The following FER variants were observed in gnomAD, a reference collection of about 807,000 sequenced individuals.
The protein encoded by FER is FER tyrosine kinase.
FER carries 63 observed loss-of-function variants against 111.0 expected under a neutral mutation model. The ratio of observed to expected loss-of-function variants is 0.57; its 90% CI spans 0.46 to 0.70. The LOEUF is 0.70. FER is among the 30% of genes least tolerant of loss of function. The pLI, the probability that FER is intolerant of heterozygous loss-of-function variation, is 0.00. For missense variants in FER, 914 were observed against 954.0 expected, an observed-to-expected ratio of 0.96 and a Z score of 0.55; for synonymous variants, 327 against 313.9, an observed-to-expected ratio of 1.04 and a Z score of -0.44.
At chr5:108,793,395 C>A (rs1045200239) in intron 2 of FER, among the ~76,000 whole-genome samples, 2 of 152,044 alleles carry the variant, frequency 1.3e-5, no homozygotes, top group Non-Finnish European at 2.9e-5. Flanking sequence ...TCTCTTTATT[C>A]ATTCATCTGT....
At chr5:108,872,327 G>T in intron 8 of FER, 115 bp downstream of exon 8, 8 of 982,972 alleles carry the variant, frequency 8.1e-6, no homozygotes, top group Middle Eastern at 3.4e-4. Flanking sequence ...AAATTTTTGG[G>T]GTCAGAGTGA....
chr5:109,157,603 C>T (rs989607733), intron 17 of FER, among the ~76,000 whole-genome samples: 1 of 151,934 alleles, frequency 6.6e-6, no homozygotes, highest in Non-Finnish European at 1.5e-5. Context: ...AATAGATTTC[C>T]TATTGTGAGG....
chr5:108,883,337 G>C, intron 8 of FER, 59 bp from the exon 9 acceptor site: 1 of 1,463,370 alleles, frequency 6.8e-7, no homozygotes, highest in Non-Finnish European at 9.2e-7. Context: ...ATACTTTTTT[G>C]ATATGTATAA....
intron 19 of FER, among the ~76,000 whole-genome samples, chr5:109,186,549 C>G (rs1484569702): frequency 6.6e-6 from 1 of 152,130 alleles, no homozygotes; most frequent in Non-Finnish European, 1.5e-5. Flanking sequence ...CCACCCTTTC[C>G]CTGTCTGGCA....
chr5:108,777,212 G>A (rs1753585194), intron 2 of FER, among the ~76,000 whole-genome samples: 1 of 152,070 alleles, frequency 6.6e-6, no homozygotes, highest in Non-Finnish European at 1.5e-5. Flanking sequence ...TTGCAGATAT[G>A]GCTTGCAGAT....
chr5:108,949,842 G>A (rs1023070154), intron 11 of FER, among the ~76,000 whole-genome samples: 1 of 148,584 alleles, frequency 6.7e-6, no homozygotes, highest in Admixed American at 6.7e-5. Context: ...TGGGTTTAAG[G>A]AAAGAATATT....
intron 3 of FER, among the ~76,000 whole-genome samples, chr5:108,831,669 T>C (rs191195894): frequency 8.6e-4 from 131 of 152,320 alleles, no homozygotes; most frequent in African/African-American, 2.9e-3. Context: ...AAAAACAAGA[T>C]TGGCAAGTCA....
chr5:109,036,808 G>T (rs1350619679), intron 13 of FER, among the ~76,000 whole-genome samples: 5 of 151,894 alleles, frequency 3.3e-5, no homozygotes, highest in African/African-American at 1.2e-4. Context: ...CAGTTCTTGA[G>T]ATCAGATAAT....
intron 13 of FER, among the ~76,000 whole-genome samples, chr5:108,971,637 T>TGCTACATTTA: frequency 6.6e-6 from 1 of 152,190 alleles, no homozygotes; most frequent in Non-Finnish European, 1.5e-5. Context: ...TAGCATCCTT[T>TGCTACATTTA]AAATGTAGCC....
At chr5:109,182,989 G>A (rs1488878174) in intron 18 of FER, among the ~76,000 whole-genome samples, 1 of 152,124 alleles carries the variant, frequency 6.6e-6, no homozygotes, top group African/African-American at 2.4e-5. Context: ...CTGCAGGCAT[G>A]AGCCATTGCG....
intron 2 of FER, among the ~76,000 whole-genome samples, chr5:108,792,069 G>GTAGCACTA (rs1213723015): frequency 2.0e-5 from 3 of 152,212 alleles, no homozygotes; most frequent in Non-Finnish European, 4.4e-5. Context: ...TTACCATAGT[G>GTAGCACTA]TGTTGATCAC....
chr5:108,835,194 C>G (rs1462155747), intron 4 of FER, among the ~76,000 whole-genome samples: 1 of 127,330 alleles, frequency 7.9e-6, no homozygotes, highest in Non-Finnish European at 1.7e-5. Context: ...ACCCCCCCCC[C>G]CCCACTTTTT....
intron 17 of FER, among the ~76,000 whole-genome samples, chr5:109,112,131 G>A (rs1749693422): frequency 6.6e-6 from 1 of 151,984 alleles, no homozygotes; most frequent in Non-Finnish European, 1.5e-5. Context: ...CTACCTCACA[G>A]TCACTGTTTG....
intron 17 of FER, among the ~76,000 whole-genome samples, chr5:109,131,067 T>C (rs1752303270): frequency 6.6e-6 from 1 of 152,182 alleles, no homozygotes; most frequent in African/African-American, 2.4e-5. Context: ...ACTCAATATA[T>C]GTTTGTCGCA....
chr5:109,146,256 AT>A, intron 17 of FER, among the ~76,000 whole-genome samples: 1 of 52,732 alleles, frequency 1.9e-5, no homozygotes, highest in Non-Finnish European at 3.7e-5. Context: ...TCTATCTAAT[AT>A]ATATATATAT....
intron 16 of FER, among the ~76,000 whole-genome samples, chr5:109,078,821 G>T (rs1049853931): frequency 6.6e-6 from 1 of 152,146 alleles, no homozygotes; most frequent in Non-Finnish European, 1.5e-5. Context: ...TTTGAATACT[G>T]TCAGAGTTGG....
At chr5:109,017,699 A>G (rs769272095) in intron 13 of FER, among the ~76,000 whole-genome samples, 1 of 151,924 alleles carries the variant, frequency 6.6e-6, no homozygotes, top group Non-Finnish European at 1.5e-5. Flanking sequence ...CTTAAATGTT[A>G]TTATAGTTAT....
At chr5:109,183,955 A>T (rs551802522) in intron 18 of FER, among the ~76,000 whole-genome samples, 1 of 152,290 alleles carries the variant, frequency 6.6e-6, no homozygotes, top group African/African-American at 2.4e-5. Context: ...TCTTCTCATA[A>T]GTGGCTGAGA....
At chr5:108,775,674 A>G (rs532633744) in intron 2 of FER, among the ~76,000 whole-genome samples, 195 of 152,228 alleles carry the variant, frequency 1.3e-3, no homozygotes, top group Non-Finnish European at 2.5e-3. Context: ...GTGCTGTTTC[A>G]CTTGCATGTA....
Sources: allele counts gnomAD v4.1 joint callset (sites outside exome capture counted in the v4.1 genomes callset), GRCh38; gene constraint gnomAD v4.1.1; transcripts MANE v1.5; gene names NCBI Gene and HGNC (gene_info 2026-07-23, HGNC 2026-07-21).